Variants in KHDRBS1 observed in about 807,000 individuals in gnomAD.
KHDRBS1 encodes the protein KH RNA binding domain containing, signal transduction associated 1, also known as KH domain-containing, RNA-binding, signal transduction-associated protein 1.
A neutral mutation model predicts 48.4 loss-of-function variants in KHDRBS1; 7 were observed. That is an observed-to-expected ratio of 0.14 (90% CI 0.08 to 0.27). The LOEUF (loss-of-function observed/expected upper bound fraction) is 0.27. Among genes scored for constraint, KHDRBS1 ranks in the 10% least tolerant of loss-of-function variants. The pLI is 1.00. For synonymous variants in KHDRBS1, 241 were observed against 235.8 expected (o/e 1.02, Z -0.20); for missense variants, 458 against 601.2 (o/e 0.76, Z 2.49).
chr1:32,021,541 T>C (rs1302402795), intron 1 of KHDRBS1, among the ~76,000 whole-genome samples: 5 of 152,098 alleles, frequency 3.3e-5, no homozygotes, highest in African/African-American at 9.7e-5. Flanking sequence ...AACAGAAAAG[T>C]TGAGAATTAT....
chr1:32,042,534 C>T lies in KHDRBS1; in HGVS notation c.1242C>T (p.Asp414=), dbSNP rs763686938. Residue 414 remains aspartate (D), a synonymous_variant, in exon 9 of 9, where the codon GAC becomes GAT. Coordinates refer to ENST00000327300, the MANE Select transcript of KHDRBS1 (RefSeq NM_006559.3). ...VQDSYEAYGQ[D]DWNGTRPSLK... ...TCTTTGTTTTCCCCACAGGCCAGGA[C>T]GACTGGAATGGGACCAGGCCGTCGC... 9.3e-6 allele frequency: 15 copies of T among 1,612,196 alleles called. No homozygotes were observed. Among genetic ancestry groups the T allele is most frequent in the Middle Eastern group, 1.6e-4 (1 of 6,078 alleles).
intron 3 of KHDRBS1, among the ~76,000 whole-genome samples, chr1:32,031,865 T>C (rs1353148662): frequency 6.6e-6 from 1 of 152,216 alleles, no homozygotes; most frequent in Non-Finnish European, 1.5e-5. Context: ...TTTGGACTTT[T>C]TGACTGTGTA....
chr1:32,020,045 G>C (rs1638826725), intron 1 of KHDRBS1, among the ~76,000 whole-genome samples: 1 of 152,002 alleles, frequency 6.6e-6, no homozygotes, highest in South Asian at 2.1e-4. Flanking sequence ...CTGTGTTACA[G>C]GTGTGAGCCA....
intron 1 of KHDRBS1, among the ~76,000 whole-genome samples, chr1:32,018,256 CGAGACCAGCCTGGCCA>C (rs1638783186): frequency 6.6e-6 from 1 of 151,038 alleles, no homozygotes; most frequent in Admixed American, 6.6e-5. Flanking sequence ...GTCAGGAGTT[CGAGACCAGCCTGGCCA>C]ACGTGGTGAA....
Position 32,038,689 on chromosome 1 carries a change from A to G in KHDRBS1, c.1175+70A>G, listed in dbSNP as rs754881525. The G allele has an allele frequency of 3.8e-5, 55 of 1,445,782 alleles. 1 individual carries two copies. The highest frequency in any genetic ancestry group is 5.0e-5 in the Non-Finnish European group (52 of 1,030,976). 89.6% of individuals were successfully genotyped at this position (1,445,782 alleles called of 1,614,324 possible). On this transcript the variant is annotated intron_variant, in intron 7 of 8. Coordinates refer to ENST00000327300, the MANE Select transcript of KHDRBS1 (RefSeq NM_006559.3). ...TGGAGGGAGTTGGAGGAACAGAGAG[A>G]TTTAGACAGTACAACCCTAAGGAGC...
chr1:32,040,607 G>A (rs1185822013), intron 8 of KHDRBS1, among the ~76,000 whole-genome samples: 1 of 152,150 alleles, frequency 6.6e-6, no homozygotes, highest in East Asian at 1.9e-4. Context: ...AAAACACATC[G>A]CTCAAGTGTG....
At chr1:32,020,010 C>T (rs1404448474) in intron 1 of KHDRBS1, among the ~76,000 whole-genome samples, 1 of 152,036 alleles carries the variant, frequency 6.6e-6, no homozygotes, top group African/African-American at 2.4e-5. Flanking sequence ...GACCATGATC[C>T]TCCCTCTTCA....
intron 10 of KHDRBS1, among the ~76,000 whole-genome samples, chr1:32,057,679 G>T (rs1442577019): frequency 6.7e-6 from 1 of 149,952 alleles, no homozygotes; most frequent in Non-Finnish European, 1.5e-5. Flanking sequence ...GGTGCCTGTA[G>T]TCCCAGCTAC....
At chr1:32,048,370 C>T (rs1036216040), downstream of KHDRBS1, among the ~76,000 whole-genome samples, 1 of 152,138 alleles carries the variant, frequency 6.6e-6, no homozygotes, top group Non-Finnish European at 1.5e-5. Flanking sequence ...ATTAGCTGGG[C>T]ATGATGGCTT....
At chr1:32,032,597 T>G (rs1202244751) in intron 3 of KHDRBS1, among the ~76,000 whole-genome samples, 3 of 152,204 alleles carry the variant, frequency 2.0e-5, no homozygotes, top group Non-Finnish European at 2.9e-5. Context: ...TAGTAGGAGC[T>G]CCAATGGATA....
chr1:32,041,864 G>T (rs1435907519), intron 8 of KHDRBS1, among the ~76,000 whole-genome samples: 1 of 152,066 alleles, frequency 6.6e-6, no homozygotes, highest in African/African-American at 2.4e-5. Context: ...CTGGGATTAC[G>T]GGCGTGAGCC....
At chr1:32,045,854 C>A (rs1247378546), downstream of KHDRBS1, among the ~76,000 whole-genome samples, 1 of 152,188 alleles carries the variant, frequency 6.6e-6, no homozygotes, top group Non-Finnish European at 1.5e-5. Context: ...ACAACTCAAA[C>A]TATGTTGGGT....
chr1:32,049,423 T>C (rs1639392175), intron 10 of KHDRBS1, among the ~76,000 whole-genome samples: 1 of 150,468 alleles, frequency 6.6e-6, no homozygotes, highest in African/African-American at 2.5e-5. Context: ...CCTACTTTGT[T>C]CTTTTTTTTT....
chr1:32,057,724 G>A (rs1416448140), intron 10 of KHDRBS1, among the ~76,000 whole-genome samples: 13 of 149,232 alleles, frequency 8.7e-5, no homozygotes, highest in South Asian at 6.4e-4. Flanking sequence ...GCGTGAACCC[G>A]GGAGGCAGAG....
chr1:32,039,253 A>G (rs1009135803), intron 7 of KHDRBS1, among the ~76,000 whole-genome samples: 1 of 152,154 alleles, frequency 6.6e-6, no homozygotes, highest in Non-Finnish European at 1.5e-5. Flanking sequence ...TATATATGCT[A>G]TATTAAAAGG....
chr1:32,015,771 C>T (rs1466269048), intron 1 of KHDRBS1, among the ~76,000 whole-genome samples: 5 of 152,144 alleles, frequency 3.3e-5, no homozygotes, highest in Admixed American at 6.6e-5. Flanking sequence ...TATGTTGAGC[C>T]TGGCTTTTAA....
chr1:32,031,729 AT>A, intron 3 of KHDRBS1, 89 bp downstream of exon 3: 1 of 736,002 alleles, frequency 1.4e-6, no homozygotes, highest in Non-Finnish European at 2.3e-6. Context: ...GGCGGCAAGA[AT>A]TTTGTATGTG....
At chr1:32,032,423 C>T (rs1378551197) in intron 3 of KHDRBS1, among the ~76,000 whole-genome samples, 1 of 152,130 alleles carries the variant, frequency 6.6e-6, no homozygotes, top group Non-Finnish European at 1.5e-5. Flanking sequence ...AGCTTTTCTT[C>T]CCTCTGTCCT....
At chr1:32,055,190 C>T (rs891741437) in intron 10 of KHDRBS1, among the ~76,000 whole-genome samples, 33 of 152,170 alleles carry the variant, frequency 2.2e-4, no homozygotes, top group African/African-American at 7.7e-4. Flanking sequence ...TGGGTCACGC[C>T]GGTAATCCCA....
Sources: allele counts gnomAD v4.1 joint callset (sites outside exome capture counted in the v4.1 genomes callset), GRCh38; gene constraint gnomAD v4.1.1; transcripts MANE v1.5; gene names NCBI Gene and HGNC (gene_info 2026-07-23, HGNC 2026-07-21).